QKI: variants seen among roughly 807,000 people sequenced by gnomAD.
QKI encodes KH domain-containing RNA-binding protein QKI.
QKI carries 10 observed loss-of-function variants against 39.0 expected under a neutral mutation model. The ratio of observed to expected loss-of-function variants is 0.26; its 90% CI spans 0.16 to 0.43. The LOEUF (loss-of-function observed/expected upper bound fraction) is 0.43. Ranked by LOEUF, QKI falls within the 20% of genes least tolerant of loss-of-function variation. QKI has a pLI of 1.00. For synonymous variants in QKI, 204 were observed against 155.4 expected (o/e 1.31, Z -2.33); for missense variants, 218 against 428.0 (o/e 0.51, Z 4.33).
chr6:163,569,679 T>C (rs1165565828), intron 7 of QKI: 11 of 1,000,064 alleles, frequency 1.1e-5, no homozygotes, highest in African/African-American at 5.2e-5. Context: ...CTTTTTGTTA[T>C]TTTGCAAAAG....
At chr6:163,503,345 G>A (rs947643023) in intron 3 of QKI, among the ~76,000 whole-genome samples, 27 of 151,968 alleles carry the variant, frequency 1.8e-4, no homozygotes, top group African/African-American at 6.0e-4. Context: ...TGGCTAGCCA[G>A]CTCTCCCAGC....
At chr6:163,521,626 G>A (rs912325765) in intron 3 of QKI, among the ~76,000 whole-genome samples, 4 of 152,048 alleles carry the variant, frequency 2.6e-5, no homozygotes, top group South Asian at 2.1e-4. Context: ...GGGTTCAAGC[G>A]ATTCTCCTGC....
At chr6:163,524,586 A>AGCCT (rs1183467760) in intron 3 of QKI, among the ~76,000 whole-genome samples, 1 of 152,074 alleles carries the variant, frequency 6.6e-6, no homozygotes, top group Non-Finnish European at 1.5e-5. Context: ...CTCCTGCCTC[A>AGCCT]GCCTCCCTAG....
At chr6:163,561,859 T>A in intron 4 of QKI, 123 bp from the exon 5 acceptor site, 1 of 625,842 alleles carries the variant, frequency 1.6e-6, no homozygotes, top group South Asian at 2.7e-5. Context: ...GATCTTTTTT[T>A]CCCCTTATTA....
chr6:163,424,982 CAATT>C (rs952782520), intron 1 of QKI, among the ~76,000 whole-genome samples: 14 of 152,150 alleles, frequency 9.2e-5, no homozygotes, highest in African/African-American at 1.9e-4. Context: ...ATAGGATAAA[CAATT>C]AAATAAGCAA....
intron 3 of QKI, among the ~76,000 whole-genome samples, chr6:163,480,680 T>A (rs1171684370): frequency 3.3e-5 from 5 of 152,188 alleles, no homozygotes; most frequent in African/African-American, 1.2e-4. Context: ...CTTAAAAAAA[T>A]GTGCATATTT....
In QKI at chr6:163,497,062, G is replaced by T. The variant is rs1007964463; in HGVS notation, c.402+18166G>T. Among the ~76,000 whole-genome samples the T allele has an allele frequency of 2.0e-5, 3 of 152,178 alleles. No individual in the cohort carries two copies. The East Asian group carries it at 5.8e-4, about 29-fold the overall frequency. ...CATGTAGTTGGTACTCAGTAAATAT[G>T]TGTTGAAGGAAGGAGTAGTTTGTCT... On this transcript the variant is annotated intron_variant, in intron 3 of 7. Coordinates refer to ENST00000361752, the MANE Select transcript of QKI (RefSeq NM_006775.3).
At position 163,517,048 on chromosome 6, in the gene QKI, AC is replaced by A. The variant is rs1475583735; in HGVS notation, c.403-17933del. Among the ~76,000 whole-genome samples the A allele has an allele frequency of 5.7e-3, 506 of 88,428 alleles. 4 individuals carry two copies. The highest frequency in any genetic ancestry group is 0.017 in the African/African-American group (476 of 28,784). The allele number at this position is 88,428 out of a possible 152,430, so 58.0% of individuals were successfully genotyped here. A position where few individuals can be genotyped will look rare whatever the true frequency, so the allele number is the denominator to read the frequency against. On this transcript the variant is annotated intron_variant, in intron 3 of 7. Coordinates refer to ENST00000361752, the MANE Select transcript of QKI (RefSeq NM_006775.3). The stretch of plus-strand genomic sequence containing the variant: ...GAAGCAGTAGGGGACACACACACAC[AC>A]ACACACTCACTCTCTCTCTCTCTCT...
At position 163,557,273 on chromosome 6, in the gene QKI, GGT is replaced by G. The variant is rs1223442818; in HGVS notation, c.547-4708_547-4707del. 2.0e-5 allele frequency among the ~76,000 whole-genome samples: 3 copies of G among 152,280 alleles called. No homozygotes were observed. The East Asian group carries it at 5.8e-4, about 29-fold the overall frequency. On this transcript the variant is annotated intron_variant, in intron 4 of 7. Transcript: ENST00000361752. ...TCTAGGCAAGTTAAATCAGATGGAT[GGT>G]TAGGGCTTGAGGTACAAGGAGACTT...
intron 2 of QKI, among the ~76,000 whole-genome samples, chr6:163,467,582 A>G (rs1046740982): frequency 3.3e-5 from 5 of 152,250 alleles, no homozygotes; most frequent in Non-Finnish European, 7.3e-5. Context: ...CATGTGTGCT[A>G]TGAACAAAAA....
chr6:163,415,529 G>A lies in QKI; in HGVS notation c.142+194G>A, dbSNP rs1787381299. 3.3e-5 allele frequency among the ~76,000 whole-genome samples: 5 copies of A among 151,374 alleles called. No homozygotes were observed. In the South Asian group the frequency reaches 1.0e-3, roughly 31 times the overall value. Reference sequence around the variant, plus strand: ...CGGGCGGGCGGGCCGGGGTGGACCCGCCGGTGCCGGACGCCCCCTGCCCGG... The same window carrying A: ...CGGGCGGGCGGGCCGGGGTGGACCCACCGGTGCCGGACGCCCCCTGCCCGG... On this transcript the variant is annotated intron_variant, in intron 1 of 7. Coordinates refer to ENST00000361752, the MANE Select transcript of QKI (RefSeq NM_006775.3).
chr6:163,556,972 C>G (rs542511901), intron 4 of QKI, among the ~76,000 whole-genome samples: 1 of 152,262 alleles, frequency 6.6e-6, no homozygotes, highest in East Asian at 1.9e-4. Flanking sequence ...GACCCAGCAA[C>G]TCTACTCATA....
intron 1 of QKI, among the ~76,000 whole-genome samples, chr6:163,420,416 T>C (rs1787905873): frequency 6.6e-6 from 1 of 152,188 alleles, no homozygotes; most frequent in Non-Finnish European, 1.5e-5. Flanking sequence ...TTTTTGTTTG[T>C]TGATAACTTA....
At chr6:163,538,235 G>A (rs1341306556) in intron 4 of QKI, among the ~76,000 whole-genome samples, 2 of 152,164 alleles carry the variant, frequency 1.3e-5, no homozygotes, top group African/African-American at 4.8e-5. Flanking sequence ...CCATCCTGAA[G>A]TTTACCTTCT....
chr6:163,466,325 A>G (rs1791751303), intron 2 of QKI, among the ~76,000 whole-genome samples: 1 of 152,168 alleles, frequency 6.6e-6, no homozygotes, highest in East Asian at 1.9e-4. Context: ...CATACTTCCC[A>G]AAGCAATCTA....
chr6:163,532,374 CT>C, intron 3 of QKI, among the ~76,000 whole-genome samples: 1 of 152,168 alleles, frequency 6.6e-6, no homozygotes, highest in Middle Eastern at 3.4e-3. Context: ...GGGAGGTGGT[CT>C]CATGTATTGC....
At chr6:163,434,342 G>A (rs1173345570) in intron 1 of QKI, among the ~76,000 whole-genome samples, 1 of 152,134 alleles carries the variant, frequency 6.6e-6, no homozygotes, top group Admixed American at 6.6e-5. Flanking sequence ...TTACCTTGAT[G>A]GGAAAGTTAG....
At chr6:163,556,637 C>G (rs1250193233) in intron 4 of QKI, among the ~76,000 whole-genome samples, 1 of 151,976 alleles carries the variant, frequency 6.6e-6, no homozygotes, top group African/African-American at 2.4e-5. Flanking sequence ...TTGCAAGCCT[C>G]CAGAAGTTCA....
At position 163,467,038 on chromosome 6, in the gene QKI, CAAAA is replaced by C. The variant is rs199715703; in HGVS notation, c.285+11630_285+11633del. ...AACTCAGCCCAAAACAACAAAACAG[CAAAA>C]AAAAAAAAAAAATGACATCACCCAA... On this transcript the variant is annotated intron_variant, in intron 2 of 7. Transcript: ENST00000361752. 2.9e-5 allele frequency among the ~76,000 whole-genome samples: 3 copies of C among 105,152 alleles called. No homozygotes were observed. In the East Asian group the frequency reaches 8.0e-4, roughly 28 times the overall value. 69.0% of individuals were successfully genotyped at this position (105,152 alleles called of 152,430 possible).
Sources: gnomAD v4.1 joint callset for allele counts (sites outside exome capture counted in the v4.1 genomes callset) on GRCh38, gnomAD v4.1.1 for gene constraint, MANE v1.5 for transcripts, NCBI Gene and HGNC (gene_info 2026-07-23, HGNC 2026-07-21) for gene names.